DDX60L: variants seen among roughly 807,000 people sequenced by gnomAD.
DDX60L encodes the protein DExD/H-box 60 like.
Under a neutral mutation model 211.6 loss-of-function variants are expected in DDX60L, and 191 were observed. That is an observed-to-expected ratio of 0.90 (90% CI 0.80 to 1.02). DDX60L has a LOEUF of 1.02. DDX60L is among the 50% of genes least tolerant of loss of function. The pLI is 0.00. For missense variants in DDX60L, 2,007 were observed against 1,984.1 expected, an observed-to-expected ratio of 1.01 and a Z score of -0.22; for synonymous variants, 706 against 694.1, an observed-to-expected ratio of 1.02 and a Z score of -0.27.
intron 36 of DDX60L, among the ~76,000 whole-genome samples, chr4:168,369,645 A>C (rs540410190): frequency 9.9e-5 from 15 of 152,024 alleles, no homozygotes; most frequent in African/African-American, 3.6e-4. Flanking sequence ...GTGGAGAGAT[A>C]ACCTATAAGA....
At chr4:168,433,148 A>T in intron 10 of DDX60L, 33 bp from the exon 11 acceptor site, 2 of 1,349,256 alleles carry the variant, frequency 1.5e-6, no homozygotes, top group Non-Finnish European at 2.1e-6. Flanking sequence ...GATGAGAGGA[A>T]AGGTGTAACT....
chr4:168,437,567 A>G (rs2953029), intron 10 of DDX60L, among the ~76,000 whole-genome samples: 112,504 of 152,128 alleles, frequency 0.74, 42,919 homozygotes, highest in East Asian at 0.91. Context: ...GATGCAAAGG[A>G]AAGTCAGATA....
chr4:168,374,486 G>A (rs1741591729), intron 34 of DDX60L, among the ~76,000 whole-genome samples: 1 of 152,256 alleles, frequency 6.6e-6, no homozygotes, highest in Admixed American at 6.5e-5. Context: ...AAATTTGGAA[G>A]CTTAGTTACT....
At chr4:168,394,874 C>T (rs1031137179) in intron 27 of DDX60L, among the ~76,000 whole-genome samples, 5 of 152,304 alleles carry the variant, frequency 3.3e-5, no homozygotes, top group South Asian at 2.1e-4. Context: ...ATGCCCAGGA[C>T]AGATGAGTAA....
In DDX60L at chr4:168,379,719, A is replaced by T; in HGVS notation, c.4221+7T>A. Reference sequence around the variant, plus strand: ...ACAGAGAACAAAAAGCCAAAGCACGATGATACCTCTTTGATAAGGAGCTGC... The same window carrying T: ...ACAGAGAACAAAAAGCCAAAGCACGTTGATACCTCTTTGATAAGGAGCTGC... On this transcript the variant is annotated splice_region_variant and intron_variant, in intron 31 of 37. Coordinates refer to ENST00000682922, the MANE Select transcript of DDX60L (RefSeq NM_001012967.3). 6.2e-7 allele frequency: 1 copy of T among 1,609,196 alleles called. No homozygotes were observed.
At chr4:168,415,192 C>T (rs1382250052) in intron 22 of DDX60L, among the ~76,000 whole-genome samples, 1 of 151,676 alleles carries the variant, frequency 6.6e-6, no homozygotes, top group East Asian at 1.9e-4. Flanking sequence ...ATCAAAATAT[C>T]TCATGTGCCC....
chr4:168,441,234 G>T, intron 10 of DDX60L, 103 bp downstream of exon 10: 3 of 1,162,886 alleles, frequency 2.6e-6, no homozygotes, highest in South Asian at 1.6e-5. Context: ...AAAGCACAGT[G>T]AAGGAAAATT....
chr4:168,463,182 C>T (rs1579826489), intron 4 of DDX60L, among the ~76,000 whole-genome samples: 1 of 152,254 alleles, frequency 6.6e-6, no homozygotes, highest in East Asian at 1.9e-4. Flanking sequence ...CACATGCACG[C>T]ATATGTTCAC....
chr4:168,463,230 A>C lies in DDX60L; in HGVS notation c.265-1190T>G, dbSNP rs77364260. Among the ~76,000 whole-genome samples, 1,030 of 152,352 alleles carry C rather than the reference A, an allele frequency of 6.8e-3. 15 individuals carry two copies. The highest frequency in any genetic ancestry group is 0.021 in the African/African-American group (857 of 41,580). ...CACAATAGCAAAGACATGAAATCAA[A>C]CTAAGTCATTGATGATAGACTGGAC... is the stretch of plus-strand genomic sequence containing the variant. On this transcript the variant is annotated intron_variant, in intron 4 of 37. Coordinates refer to ENST00000682922, the MANE Select transcript of DDX60L (RefSeq NM_001012967.3).
At chr4:168,386,612 G>A (rs1227159949) in intron 29 of DDX60L, among the ~76,000 whole-genome samples, 6 of 149,960 alleles carry the variant, frequency 4.0e-5, no homozygotes, top group African/African-American at 7.3e-5. Flanking sequence ...AAAAGTGAGC[G>A]CAGAGAACCT....
intron 22 of DDX60L, among the ~76,000 whole-genome samples, chr4:168,412,866 GA>G (rs1195031939): frequency 1.3e-5 from 2 of 152,226 alleles, no homozygotes; most frequent in Admixed American, 1.3e-4. Context: ...AGTAAGGGAA[GA>G]AAACTAAAGT....
At chr4:168,453,900 G>A (rs1345709147) in intron 7 of DDX60L, among the ~76,000 whole-genome samples, 1 of 152,104 alleles carries the variant, frequency 6.6e-6, no homozygotes, top group Non-Finnish European at 1.5e-5. Context: ...CAAAAACATC[G>A]TGCATGGTCA....
At chr4:168,375,321 TAACC>T (rs34524049) in intron 34 of DDX60L, 52 bp downstream of exon 34, 136,663 of 1,561,832 alleles carry the variant, frequency 0.088, 6,867 homozygotes, top group Admixed American at 0.17. Flanking sequence ...GAGGCTTTCT[TAACC>T]AAGATTGTTT....
intron 17 of DDX60L, 48 bp downstream of exon 17, chr4:168,421,711 AG>A (rs1750653515): frequency 6.2e-7 from 1 of 1,602,458 alleles, no homozygotes; most frequent in African/African-American, 1.3e-5. Context: ...TTCTTTTTAA[AG>A]GGGATGTTCA....
chr4:168,364,538 C>T (rs886226251), intron 36 of DDX60L, among the ~76,000 whole-genome samples: 5 of 152,268 alleles, frequency 3.3e-5, no homozygotes, highest in Non-Finnish European at 5.9e-5. Flanking sequence ...GCACCATAGA[C>T]CAAATTGACC....
At chr4:168,371,541 T>C in intron 36 of DDX60L, 71 bp downstream of exon 36, 3 of 752,632 alleles carry the variant, frequency 4.0e-6, no homozygotes, top group Non-Finnish European at 6.0e-6. Flanking sequence ...ATATATAATA[T>C]GAATATACAA....
At chr4:168,366,118 T>C (rs543514555) in intron 36 of DDX60L, among the ~76,000 whole-genome samples, 5 of 152,176 alleles carry the variant, frequency 3.3e-5, no homozygotes, top group African/African-American at 9.6e-5. Flanking sequence ...TTATTCAACA[T>C]AGTACTAGTA....
At chr4:168,414,677 TA>T (rs201306597) in intron 22 of DDX60L, among the ~76,000 whole-genome samples, 10 of 150,808 alleles carry the variant, frequency 6.6e-5, no homozygotes, top group East Asian at 5.9e-4. Context: ...CATTCAGCCA[TA>T]AAAAAAAATA....
intron 13 of DDX60L, among the ~76,000 whole-genome samples, chr4:168,429,539 T>C (rs979106408): frequency 7.9e-5 from 12 of 152,250 alleles, no homozygotes; most frequent in African/African-American, 2.9e-4. Context: ...GATAAATCTA[T>C]CTTTTCTTAT....
Sources: allele counts gnomAD v4.1 joint callset (sites outside exome capture counted in the v4.1 genomes callset), GRCh38; gene constraint gnomAD v4.1.1; transcripts MANE v1.5; gene names NCBI Gene and HGNC (gene_info 2026-07-23, HGNC 2026-07-21).